Variants in DNAH6 observed in about 807,000 individuals in gnomAD.
DNAH6 encodes axonemal beta dynein heavy chain 6.
DNAH6 carries 340 observed loss-of-function variants against 491.4 expected under a neutral mutation model. The ratio of observed to expected loss-of-function variants is 0.69; its 90% CI spans 0.63 to 0.76. The LOEUF (loss-of-function observed/expected upper bound fraction) is 0.76. DNAH6 is among the 30% of genes least tolerant of loss of function. DNAH6 has a pLI of 0.00. For synonymous variants in DNAH6, 1,603 were observed against 1,686.1 expected (o/e 0.95, Z 1.21); for missense variants, 4,443 against 4,972.2 (o/e 0.89, Z 3.20).
rs116341913 is a variant in DNAH6 at position 84,593,382 on chromosome 2, G to A, written c.2611-590G>A. ...AGAATTTCTGTGCAACCAACTCCCTGAAGGTTTCCCCAGCGTTGAACCAAG... is the reference window on the plus strand; with the variant it reads ...AGAATTTCTGTGCAACCAACTCCCTAAAGGTTTCCCCAGCGTTGAACCAAG... On this transcript the variant is annotated intron_variant, in intron 16 of 76. Coordinates refer to ENST00000389394, the MANE Select transcript of DNAH6 (RefSeq NM_001370.2). Among the ~76,000 whole-genome samples, 466 of 152,286 alleles carry A rather than the reference G, an allele frequency of 3.1e-3. 1 individual carries two copies. Among genetic ancestry groups the A allele is most frequent in the Non-Finnish European group, 5.5e-3 (375 of 68,024 alleles).
At chr2:84,759,150 T>C (rs1227880231) in intron 63 of DNAH6, among the ~76,000 whole-genome samples, 1 of 151,876 alleles carries the variant, frequency 6.6e-6, no homozygotes, top group Non-Finnish European at 1.5e-5. Flanking sequence ...TTCTAGATAT[T>C]GATAATGATC....
chr2:84,695,035 T>A (rs1201777747), intron 46 of DNAH6, among the ~76,000 whole-genome samples: 1 of 152,140 alleles, frequency 6.6e-6, no homozygotes, highest in African/African-American at 2.4e-5. Flanking sequence ...AGTGATAGAT[T>A]TGATGCATAA....
intron 37 of DNAH6, among the ~76,000 whole-genome samples, chr2:84,663,859 T>C (rs1340746875): frequency 6.6e-6 from 1 of 152,166 alleles, no homozygotes; most frequent in Non-Finnish European, 1.5e-5. Flanking sequence ...AAGGTCGGGT[T>C]ACCCACAAAG....
chr2:84,655,439 G>A (rs575444976), intron 35 of DNAH6, among the ~76,000 whole-genome samples: 8 of 152,206 alleles, frequency 5.3e-5, no homozygotes, highest in Admixed American at 2.6e-4. Flanking sequence ...AGTCCTTTGA[G>A]ATGTTTCCCC....
rs530799407 is a variant in DNAH6 at position 84,577,300 on chromosome 2, G to A, written c.1968G>A (p.Gln656=). 2 of 1,601,836 alleles carry A rather than the reference G, an allele frequency of 1.2e-6. No individual in the cohort carries two copies. Among genetic ancestry groups the A allele is most frequent in the South Asian group, 1.1e-5 (1 of 87,568 alleles). ...AACAACTGGAAAAATATCACAAACA[G>A]CACAAGGACGCAGTAGCGCTCAGAC... ...FSEQLEKYHK[Q]HKDAVALRPT... Residue 656 remains glutamine (Q), a synonymous_variant, in exon 13 of 77, where the codon CAG becomes CAA. Coordinates refer to ENST00000389394, the MANE Select transcript of DNAH6 (RefSeq NM_001370.2).
chr2:84,702,529 C>G (rs1296342556), intron 49 of DNAH6, among the ~76,000 whole-genome samples: 1 of 151,198 alleles, frequency 6.6e-6, no homozygotes, highest in Non-Finnish European at 1.5e-5. Flanking sequence ...TGAAATCTGC[C>G]CATTTGAACC....
chr2:84,584,047 C>T lies in DNAH6; in HGVS notation c.2278C>T (p.Leu760Phe). ...EGNIVTQMYK[L>F]MEQYQVPTPP... The stretch of plus-strand genomic sequence containing the variant: ...GAATATAGTGACTCAAATGTACAAG[C>T]TTATGGAACAATATCAGGTGCCCAC... The change falls in exon 15 of 77, where the codon CTT becomes TTT. Residue 760 changes from leucine (L) to phenylalanine (F), a missense_variant. Coordinates refer to ENST00000389394, the MANE Select transcript of DNAH6 (RefSeq NM_001370.2). 1 of 1,614,080 alleles carries T rather than the reference C, an allele frequency of 6.2e-7. No homozygotes were observed. Among genetic ancestry groups the T allele is most frequent in the Non-Finnish European group, 8.5e-7 (1 of 1,179,982 alleles).
At chr2:84,521,958 T>C (rs1676187930) in intron 2 of DNAH6, among the ~76,000 whole-genome samples, 4 of 152,180 alleles carry the variant, frequency 2.6e-5, no homozygotes, top group Admixed American at 2.6e-4. Flanking sequence ...CTATTCAGCC[T>C]CCTTTTTGGT....
At position 84,672,152 on chromosome 2, in the gene DNAH6, C is replaced by T. The variant is rs565390353; in HGVS notation, c.6455-175C>T. On this transcript the variant is annotated intron_variant, in intron 39 of 76. Coordinates refer to ENST00000389394, the MANE Select transcript of DNAH6 (RefSeq NM_001370.2). ...ACGTCTTGACCAGGACCACATCTTC[C>T]TGCAGGGGCCTGGGTGGGGCCAGAA... 5.3e-4 allele frequency among the ~76,000 whole-genome samples: 81 copies of T among 152,292 alleles called. 1 individual carries two copies. The Middle Eastern group carries it at 0.024, about 45-fold the overall frequency.
intron 48 of DNAH6, among the ~76,000 whole-genome samples, chr2:84,700,753 TAACA>T (rs1284869710): frequency 1.3e-5 from 2 of 152,228 alleles, no homozygotes; most frequent in African/African-American, 4.8e-5. Flanking sequence ...CCCAACTATG[TAACA>T]AACAGAGTGA....
Position 84,553,004 on chromosome 2 carries a change from G to A in DNAH6, c.1572G>A (p.Leu524=), listed in dbSNP as rs771271120. The A allele has an allele frequency of 1.9e-6, 3 of 1,606,690 alleles. No individual in the cohort carries two copies. Among genetic ancestry groups the A allele is most frequent in the Middle Eastern group, 3.3e-4 (2 of 6,044 alleles). The part of the protein sequence containing the change: ...LTELMLTVQS[L]LFEPSLEDFL... ...AACTAATGTTGACAGTCCAGTCACTGCTCTTTGAGCCTTCTCTGGAAGACT... is the reference window on the plus strand; with the variant it reads ...AACTAATGTTGACAGTCCAGTCACTACTCTTTGAGCCTTCTCTGGAAGACT... The change falls in exon 10 of 77, where the codon CTG becomes CTA. Residue 524 remains leucine, a synonymous_variant. Transcript: ENST00000389394.
intron 3 of DNAH6, 40 bp downstream of exon 3, chr2:84,525,778 T>C (rs1259094723): frequency 2.1e-6 from 3 of 1,452,838 alleles, no homozygotes; most frequent in South Asian, 1.3e-5. Context: ...TTTAACTTAA[T>C]TTTGTTTTGT....
At chr2:84,800,193 A>C (rs955546176) in intron 70 of DNAH6, among the ~76,000 whole-genome samples, 3 of 152,186 alleles carry the variant, frequency 2.0e-5, no homozygotes, top group Non-Finnish European at 2.9e-5. Context: ...AAGCCAATTG[A>C]TTGTACACAA....
intron 61 of DNAH6, among the ~76,000 whole-genome samples, chr2:84,729,293 G>C (rs1698932369): frequency 6.6e-6 from 1 of 152,150 alleles, no homozygotes; most frequent in African/African-American, 2.4e-5. Flanking sequence ...GCACAGAAAG[G>C]TTAAGTAACT....
chr2:84,701,044 G>C, intron 48 of DNAH6, 53 bp from the exon 49 acceptor site: 1 of 1,535,276 alleles, frequency 6.5e-7, no homozygotes, highest in Admixed American at 2.0e-5. Context: ...GTATTAAACT[G>C]TATGTTATTG....
the DNAH6 span, among the ~76,000 whole-genome samples, chr2:84,472,745 G>A: frequency 6.6e-5 from 10 of 152,148 alleles, no homozygotes; most frequent in African/African-American, 1.2e-4. Flanking sequence ...CAATGCATCC[G>A]CCCTTTGATT....
intron 40 of DNAH6, among the ~76,000 whole-genome samples, chr2:84,674,155 G>A (rs1169236513): frequency 6.6e-6 from 1 of 152,138 alleles, no homozygotes; most frequent in Non-Finnish European, 1.5e-5. Flanking sequence ...CCACCTACTA[G>A]CACCCAACAT....
intron 15 of DNAH6, 78 bp from the exon 16 acceptor site, chr2:84,588,748 G>A: frequency 8.3e-7 from 1 of 1,201,916 alleles, no homozygotes; most frequent in South Asian, 1.9e-5. Context: ...TTTTAAAAAT[G>A]TTTATTAATT....
intron 70 of DNAH6, among the ~76,000 whole-genome samples, chr2:84,802,134 A>G (rs1266926569): frequency 6.6e-6 from 1 of 152,240 alleles, no homozygotes; most frequent in Non-Finnish European, 1.5e-5. Flanking sequence ...TACAGACTGC[A>G]TAAAGCAACT....
Sources: allele counts gnomAD v4.1 joint callset (sites outside exome capture counted in the v4.1 genomes callset), GRCh38; gene constraint gnomAD v4.1.1; transcripts MANE v1.5; gene names NCBI Gene and HGNC (gene_info 2026-07-23, HGNC 2026-07-21).